The following SOX5 variants were observed in gnomAD, a reference collection of about 807,000 sequenced individuals.
SOX5 encodes the protein transcription factor SOX-5.
In SOX5, 9 loss-of-function variants were observed where a neutral mutation model predicts 92.0. That is an observed-to-expected ratio of 0.10 (90% CI 0.06 to 0.17). The LOEUF (loss-of-function observed/expected upper bound fraction) is 0.17. Ranked by LOEUF, SOX5 falls within the 10% of genes least tolerant of loss-of-function variation. The pLI is 1.00. For synonymous variants in SOX5, 344 were observed against 336.3 expected, an observed-to-expected ratio of 1.02 and a Z score of -0.25; for missense variants, 642 against 944.5, an observed-to-expected ratio of 0.68 and a Z score of 4.20.
chr12:23,975,813 A>C (rs1484190747), intron 4 of SOX5, among the ~76,000 whole-genome samples: 1 of 152,244 alleles, frequency 6.6e-6, no homozygotes, highest in Admixed American at 6.5e-5. Flanking sequence ...TATTAAGACC[A>C]GAAAGGAAGT....
At chr12:23,615,030 C>T (rs2076389977) in intron 8 of SOX5, among the ~76,000 whole-genome samples, 1 of 151,944 alleles carries the variant, frequency 6.6e-6, no homozygotes, top group Admixed American at 6.6e-5. Flanking sequence ...TCTCGAACTC[C>T]TGACCTCGTG....
chr12:23,653,845 A>T (rs1257017825), intron 7 of SOX5, among the ~76,000 whole-genome samples: 2 of 152,092 alleles, frequency 1.3e-5, no homozygotes, highest in African/African-American at 2.4e-5. Context: ...ATTCTCCCCA[A>T]CTAGACTAAG....
intron 3 of SOX5, among the ~76,000 whole-genome samples, chr12:23,767,686 A>G (rs2094783960): frequency 6.6e-6 from 1 of 152,172 alleles, no homozygotes; most frequent in Non-Finnish European, 1.5e-5. Flanking sequence ...TCTCATATCT[A>G]GTAACTGAGA....
chr12:23,967,856 G>A (rs1013254672), intron 4 of SOX5, among the ~76,000 whole-genome samples: 191 of 152,194 alleles, frequency 1.3e-3, no homozygotes, highest in African/African-American at 4.3e-3. Context: ...AGAATATTAA[G>A]TTTAATTTTG....
chr12:24,526,887 A>G (rs1950760340), intron 1 of SOX5, among the ~76,000 whole-genome samples: 1 of 151,496 alleles, frequency 6.6e-6, no homozygotes, highest in African/African-American at 2.4e-5. Flanking sequence ...ATGCAGTCAT[A>G]GTTCACTGCA....
chr12:23,995,134 A>C (rs1592158300), intron 4 of SOX5, among the ~76,000 whole-genome samples: 1 of 152,320 alleles, frequency 6.6e-6, no homozygotes, highest in South Asian at 2.1e-4. Context: ...AAAAACTAAC[A>C]AGATTTGTGA....
chr12:24,270,167 T>C (rs1394389101), intron 3 of SOX5, among the ~76,000 whole-genome samples: 2 of 152,078 alleles, frequency 1.3e-5, no homozygotes, highest in Non-Finnish European at 2.9e-5. Flanking sequence ...GTTCAAGCAA[T>C]TCTCTGCCTT....
intron 3 of SOX5, among the ~76,000 whole-genome samples, chr12:23,845,047 C>G (rs2096559719): frequency 6.6e-6 from 1 of 152,184 alleles, no homozygotes; most frequent in Non-Finnish European, 1.5e-5. Context: ...ACATGGCTGT[C>G]ACATATACAG....
chr12:24,471,978 C>A (rs1242781216), intron 1 of SOX5, among the ~76,000 whole-genome samples: 6 of 152,150 alleles, frequency 3.9e-5, no homozygotes, highest in Non-Finnish European at 7.3e-5. Context: ...GTTATCATGT[C>A]AACTGGCACC....
At chr12:23,922,113 C>G (rs1302513670) in intron 1 of SOX5, among the ~76,000 whole-genome samples, 1 of 152,180 alleles carries the variant, frequency 6.6e-6, no homozygotes, top group East Asian at 1.9e-4. Context: ...ATACTATAAA[C>G]CAGCTAGTGT....
At chr12:24,323,470 C>T (rs1950395557) in intron 2 of SOX5, among the ~76,000 whole-genome samples, 1 of 151,674 alleles carries the variant, frequency 6.6e-6, no homozygotes, top group Non-Finnish European at 1.5e-5. Flanking sequence ...CTTCAAAGAA[C>T]CATTTTTAAT....
chr12:23,658,720 A>C (rs2082639605), intron 7 of SOX5, among the ~76,000 whole-genome samples: 1 of 152,044 alleles, frequency 6.6e-6, no homozygotes, highest in Non-Finnish European at 1.5e-5. Flanking sequence ...GTGAAACCCC[A>C]TGTCTGCTAA....
chr12:23,708,537 G>T (rs1194149505), intron 6 of SOX5, among the ~76,000 whole-genome samples: 1 of 152,108 alleles, frequency 6.6e-6, no homozygotes, highest in Admixed American at 6.6e-5. Context: ...TTGAGTCAAC[G>T]ATAAACATTA....
At chr12:24,338,869 A>T (rs1952232011) in intron 2 of SOX5, among the ~76,000 whole-genome samples, 1 of 152,064 alleles carries the variant, frequency 6.6e-6, no homozygotes, top group African/African-American at 2.4e-5. Context: ...AGTCATGTGG[A>T]TGTGGAACTG....
At chr12:23,880,031 T>C (rs1427127953) in intron 2 of SOX5, among the ~76,000 whole-genome samples, 3 of 152,196 alleles carry the variant, frequency 2.0e-5, no homozygotes, top group Admixed American at 6.5e-5. Context: ...AGTTGCCAGA[T>C]ATATAGCCCC....
At position 23,904,571 on chromosome 12, in the gene SOX5, C is replaced by T. The variant is rs1219927563; in HGVS notation, c.39-8547G>A. Reference sequence around the variant, plus strand: ...CAAAACTACTTTTGAGCTATATTTACTTATGAATAAATTAATATTCTGTAT... The same window carrying T: ...CAAAACTACTTTTGAGCTATATTTATTTATGAATAAATTAATATTCTGTAT... On this transcript the variant is annotated intron_variant, in intron 1 of 14. Coordinates refer to ENST00000451604, the MANE Select transcript of SOX5 (RefSeq NM_006940.6). Among the ~76,000 whole-genome samples, 4 of 152,076 alleles carry T rather than the reference C, an allele frequency of 2.6e-5. No individual in the cohort carries two copies. In the East Asian group the frequency reaches 7.7e-4, roughly 29 times the overall value.
chr12:24,292,347 AT>A (rs1298009468), intron 2 of SOX5, among the ~76,000 whole-genome samples: 24 of 152,242 alleles, frequency 1.6e-4, no homozygotes, highest in African/African-American at 5.3e-4. Context: ...AGGATTATTT[AT>A]TTGAAAATCT....
intron 4 of SOX5, among the ~76,000 whole-genome samples, chr12:24,013,274 C>T (rs1411895986): frequency 6.6e-6 from 1 of 152,134 alleles, no homozygotes; most frequent in African/African-American, 2.4e-5. Flanking sequence ...CTAGTCTGAA[C>T]AGTGTTGACT....
rs570602543 is a variant in SOX5, at chr12:23,701,686, A to G, written c.810+32998T>C. Among the ~76,000 whole-genome samples the G allele has an allele frequency of 6.6e-4, 100 of 152,148 alleles. 2 individuals are homozygous for G. The highest frequency in any genetic ancestry group is 3.5e-3 in the Admixed American group (53 of 15,236). ...GGATCGTTACTAGAGGTGATTTTTC[A>G]GTGGTAACATTTTTTGGTCCCCCAG... On this transcript the variant is annotated intron_variant, in intron 6 of 14. Transcript: ENST00000451604.
Sources: gnomAD v4.1 joint callset for allele counts (sites outside exome capture counted in the v4.1 genomes callset) on GRCh38, gnomAD v4.1.1 for gene constraint, MANE v1.5 for transcripts, NCBI Gene and HGNC (gene_info 2026-07-23, HGNC 2026-07-21) for gene names.